The following LYN variants were observed in gnomAD, a reference collection of about 807,000 sequenced individuals.
The protein encoded by LYN is tyrosine-protein kinase Lyn.
LYN carries 12 observed loss-of-function variants against 65.0 expected under a neutral mutation model. The ratio of observed to expected loss-of-function variants is 0.18; its 90% CI spans 0.12 to 0.30. The LOEUF is 0.30. Among genes scored for constraint, LYN ranks in the 10% least tolerant of loss-of-function variants. LYN has a pLI of 1.00. For missense variants in LYN, 380 were observed against 623.2 expected, an observed-to-expected ratio of 0.61 and a Z score of 4.16; for synonymous variants, 222 against 221.2, an observed-to-expected ratio of 1.00 and a Z score of -0.03.
At chr8:55,986,654 C>T (rs576750409) in intron 10 of LYN, among the ~76,000 whole-genome samples, 1 of 152,164 alleles carries the variant, frequency 6.6e-6, no homozygotes, top group Non-Finnish European at 1.5e-5. Context: ...CTTGGATATG[C>T]CAAACACTGC....
At chr8:55,942,405 GTATATATATGTGTGTATA>G (rs1563521273) in intron 2 of LYN, among the ~76,000 whole-genome samples, 1 of 140,802 alleles carries the variant, frequency 7.1e-6, no homozygotes. Flanking sequence ...GTATATATGT[GTATATATATGTGTGTATA>G]TATATATATG....
intron 1 of LYN, among the ~76,000 whole-genome samples, chr8:55,930,019 T>G (rs893650244): frequency 6.6e-6 from 1 of 152,172 alleles, no homozygotes; most frequent in Non-Finnish European, 1.5e-5. Context: ...TAGATTCTCA[T>G]AGGGGCGTGA....
chr8:55,941,087 T>C lies in LYN; in HGVS notation c.-5-768T>C, dbSNP rs145802087. On this transcript the variant is annotated intron_variant, in intron 1 of 12. Transcript: ENST00000519728. Reference sequence around the variant, plus strand: ...TCCAGTCTTGATGAAAGCCAGGCCATCTTCCTAGGCCCCTACCTATGTTTA... The same window carrying C: ...TCCAGTCTTGATGAAAGCCAGGCCACCTTCCTAGGCCCCTACCTATGTTTA... Among the ~76,000 whole-genome samples, 140 of 152,294 alleles carry C rather than the reference T, an allele frequency of 9.2e-4. 1 individual carries two copies. The highest frequency in any genetic ancestry group is 3.3e-3 in the South Asian group (16 of 4,822).
chr8:55,917,280 G>C (rs1805806291), intron 1 of LYN, among the ~76,000 whole-genome samples: 1 of 152,020 alleles, frequency 6.6e-6, no homozygotes, highest in African/African-American at 2.4e-5. Context: ...TGAACTCCTA[G>C]GCTCATGTGA....
chr8:55,906,455 C>T (rs771633315), intron 1 of LYN, among the ~76,000 whole-genome samples: 1 of 152,060 alleles, frequency 6.6e-6, no homozygotes, highest in Non-Finnish European at 1.5e-5. Context: ...CACCTCCTGG[C>T]TTCAAGTGAT....
intron 10 of LYN, among the ~76,000 whole-genome samples, chr8:55,975,937 T>A (rs1018174978): frequency 3.9e-5 from 6 of 152,026 alleles, no homozygotes; most frequent in Non-Finnish European, 7.4e-5. Context: ...TTTGGGTTAG[T>A]GTATGGCAGA....
chr8:55,990,239 C>CA (rs34461698), intron 10 of LYN, among the ~76,000 whole-genome samples: 15,098 of 42,868 alleles, frequency 0.35, 1,775 homozygotes, highest in African/African-American at 0.38. Context: ...ACTCTGCCTC[C>CA]AAAAAAAAAA....
chr8:55,892,419 C>T (rs12678730), intron 1 of LYN, among the ~76,000 whole-genome samples: 58,949 of 152,042 alleles, frequency 0.39, 12,151 homozygotes, highest in East Asian at 0.68. Context: ...GACTCCATCT[C>T]AAAAAAATAA....
intron 1 of LYN, among the ~76,000 whole-genome samples, chr8:55,905,809 C>T (rs1805403297): frequency 6.6e-6 from 1 of 152,072 alleles, no homozygotes; most frequent in Admixed American, 6.6e-5. Flanking sequence ...GCATGAAGTC[C>T]CTTGCTCCAG....
chr8:55,924,564 A>G (rs1168599654), intron 1 of LYN, among the ~76,000 whole-genome samples: 2 of 151,710 alleles, frequency 1.3e-5, no homozygotes, highest in Non-Finnish European at 2.9e-5. Context: ...GGGTTTCACC[A>G]TGTTGGCCAG....
chr8:55,950,950 A>G (rs1454947544), intron 6 of LYN, among the ~76,000 whole-genome samples, 166 bp downstream of exon 6: 1 of 152,218 alleles, frequency 6.6e-6, no homozygotes, highest in Non-Finnish European at 1.5e-5. Flanking sequence ...TTGTGCTACT[A>G]AAAGTAATAT....
At position 55,928,902 on chromosome 8, in the gene LYN, T is replaced by C. The variant is rs537588235; in HGVS notation, c.-5-12953T>C. On this transcript the variant is annotated intron_variant, in intron 1 of 12. Transcript: ENST00000519728. ...TGTTATCTCCTAGGAGTTTTATAGT[T>C]TTTTGTTTTTCCTTTAGGTCTGTGA... Among the ~76,000 whole-genome samples, 343 of 152,252 alleles carry C rather than the reference T, an allele frequency of 2.3e-3. 1 individual carries two copies. Among genetic ancestry groups the C allele is most frequent in the African/African-American group, 7.8e-3 (326 of 41,568 alleles).
intron 1 of LYN, among the ~76,000 whole-genome samples, chr8:55,894,628 G>A (rs1018806089): frequency 1.3e-5 from 2 of 151,720 alleles, no homozygotes; most frequent in Non-Finnish European, 2.9e-5. Flanking sequence ...TGCCTCGTGG[G>A]TTCAAGCTAT....
At chr8:55,997,942 G>A (rs888384081) in intron 10 of LYN, among the ~76,000 whole-genome samples, 4 of 152,072 alleles carry the variant, frequency 2.6e-5, no homozygotes, top group Admixed American at 2.6e-4. Flanking sequence ...AAATTAGCCG[G>A]GCATGGTGGT....
intron 1 of LYN, among the ~76,000 whole-genome samples, chr8:55,905,687 C>G (rs146251736): frequency 6.6e-6 from 1 of 152,250 alleles, no homozygotes; most frequent in East Asian, 1.9e-4. Flanking sequence ...ACTTAAGAGG[C>G]CTATGGGATG....
chr8:55,999,294 T>C, intron 11 of LYN, 124 bp from the exon 12 acceptor site: 1 of 758,562 alleles, frequency 1.3e-6, no homozygotes. Context: ...CATTCCAGCC[T>C]GGGTGACAAG....
intron 1 of LYN, among the ~76,000 whole-genome samples, chr8:55,920,123 GT>G (rs1261735095): frequency 6.6e-6 from 1 of 152,178 alleles, no homozygotes; most frequent in African/African-American, 2.4e-5. Flanking sequence ...TGTAAATATA[GT>G]AAAATAATTC....
intron 2 of LYN, among the ~76,000 whole-genome samples, chr8:55,945,517 A>G (rs1436606306): frequency 6.6e-6 from 1 of 152,218 alleles, no homozygotes; most frequent in Non-Finnish European, 1.5e-5. Context: ...TTTAAATTTC[A>G]GTACAAACTG....
At chr8:55,966,103 C>T (rs572579957) in intron 8 of LYN, among the ~76,000 whole-genome samples, 54 of 151,846 alleles carry the variant, frequency 3.6e-4, no homozygotes, top group South Asian at 1.5e-3. Flanking sequence ...CCAGCCTGGG[C>T]GACAGAGCAA....
Sources: gnomAD v4.1 joint callset for allele counts (sites outside exome capture counted in the v4.1 genomes callset) on GRCh38, gnomAD v4.1.1 for gene constraint, MANE v1.5 for transcripts, NCBI Gene and HGNC (gene_info 2026-07-23, HGNC 2026-07-21) for gene names.